SLC4A7: variants seen among roughly 807,000 people sequenced by gnomAD.
SLC4A7 encodes the protein sodium bicarbonate cotransporter 3.
SLC4A7 carries 51 observed loss-of-function variants against 137.6 expected under a neutral mutation model. The observed-to-expected ratio is 0.37, with a 90% CI of 0.30 to 0.47. The LOEUF (loss-of-function observed/expected upper bound fraction) is 0.47, where lower values mean the gene tolerates loss of function less well. Ranked by LOEUF, SLC4A7 falls within the 20% of genes least tolerant of loss-of-function variation. The probability of loss-of-function intolerance (pLI) is 1.00; values close to 1 mark genes in which losing one functional copy is unlikely to be tolerated. For missense variants in SLC4A7, 1,247 were observed against 1,525.4 expected, an observed-to-expected ratio of 0.82 and a Z score of 3.04; for synonymous variants, 542 against 518.6, an observed-to-expected ratio of 1.05 and a Z score of -0.61.
At chr3:27,382,326 G>T (rs1200956235) in intron 24 of SLC4A7, among the ~76,000 whole-genome samples, 1 of 151,978 alleles carries the variant, frequency 6.6e-6, no homozygotes, top group African/African-American at 2.4e-5. Flanking sequence ...TGTTGGCCAG[G>T]CTGGTCGTGA....
At chr3:27,436,638 GAA>G (rs71087606) in intron 4 of SLC4A7, 90 bp from the exon 5 acceptor site, 559 of 588,300 alleles carry the variant, frequency 9.5e-4, no homozygotes, top group South Asian at 2.2e-3. Context: ...GTTCTTTAAA[GAA>G]AAAAAAAAAA....
At chr3:27,392,548 A>T (rs559235156) in intron 20 of SLC4A7, among the ~76,000 whole-genome samples, 3 of 152,310 alleles carry the variant, frequency 2.0e-5, no homozygotes, top group East Asian at 3.9e-4. Flanking sequence ...GACGTATTTT[A>T]AAAAATCTAA....
intron 15 of SLC4A7, 32 bp from the exon 16 acceptor site, chr3:27,400,901 G>C: frequency 8.4e-7 from 1 of 1,190,556 alleles, no homozygotes; most frequent in Non-Finnish European, 1.2e-6. Context: ...CATTTTTAAG[G>C]ATCCTGAATT....
chr3:27,424,059 T>C lies in SLC4A7; in HGVS notation c.1244A>G (p.Asn415Ser). 6.3e-7 allele frequency: 1 copy of C among 1,598,566 alleles called. No homozygotes were observed. Among genetic ancestry groups the C allele is most frequent in the Non-Finnish European group, 8.6e-7 (1 of 1,166,464 alleles). The change falls in exon 8 of 26, where the codon AAT (asparagine) becomes AGT (serine). Residue 415 changes from asparagine to serine, a missense_variant. Around this residue, in one of 6 missense-constraint regions of SLC4A7, gnomAD observed 499 missense variants for 664.2 expected, o/e 0.75. Coordinates refer to ENST00000454389, the MANE Select transcript of SLC4A7 (RefSeq NM_001321103.2). ...TACCTTGCTGAAGTCAACAGTACTA[T>C]TTTCTCTGCTTCCACCACTTCCATT... ...KGNGSGGSRE[N>S]STVDFSKVDM...
intron 1 of SLC4A7, among the ~76,000 whole-genome samples, chr3:27,475,698 T>C (rs1291830305): frequency 6.6e-6 from 1 of 152,146 alleles, no homozygotes. Context: ...CAAAATCTTA[T>C]CCCGAGGATA....
At chr3:27,419,634 C>A (rs2054749415) in intron 10 of SLC4A7, among the ~76,000 whole-genome samples, 1 of 150,700 alleles carries the variant, frequency 6.6e-6, no homozygotes, top group Non-Finnish European at 1.5e-5. Flanking sequence ...CTGCGCCCGG[C>A]CAAAAGTTTA....
At chr3:27,436,240 C>T in intron 5 of SLC4A7, 148 bp downstream of exon 5, 1 of 518,116 alleles carries the variant, frequency 1.9e-6, no homozygotes. Context: ...TTAATTTAAT[C>T]TCATCTGCAA....
chr3:27,404,973 G>GA lies in SLC4A7; in HGVS notation c.1942-11dup. On this transcript the variant is annotated splice_polypyrimidine_tract_variant and intron_variant, in intron 13 of 25. Transcript: ENST00000454389. Reference sequence around the variant, plus strand: ...GAGACTCTATTGCACTCTGTTTAAGGAAAAAAGAAATGAATAAAAGCAATA... The same window carrying GA: ...GAGACTCTATTGCACTCTGTTTAAGGAAAAAAAGAAATGAATAAAAGCAATA... The GA allele has an allele frequency of 6.5e-7, 1 of 1,549,766 alleles. No homozygotes were observed. The highest frequency in any genetic ancestry group is 8.7e-7 in the Non-Finnish European group (1 of 1,155,378).
intron 6 of SLC4A7, 53 bp downstream of exon 6, chr3:27,433,863 A>C: frequency 6.9e-7 from 1 of 1,445,826 alleles, no homozygotes; most frequent in Non-Finnish European, 9.7e-7. Context: ...ACATACTGGA[A>C]AGCTGTTACA....
intron 18 of SLC4A7, 149 bp downstream of exon 18, chr3:27,397,535 A>T: frequency 3.4e-6 from 2 of 588,336 alleles, no homozygotes; most frequent in Non-Finnish European, 5.9e-6. Flanking sequence ...ATACATATGA[A>T]AAACACATAT....
In SLC4A7 at chr3:27,403,291, G is replaced by T. The variant is rs1297117044; in HGVS notation, c.2169C>A (p.Ser723Arg). 1 of 1,613,954 alleles carries T rather than the reference G, an allele frequency of 6.2e-7. No homozygotes were observed. Among genetic ancestry groups the T allele is most frequent in the South Asian group, 1.1e-5 (1 of 91,078 alleles). The change falls in exon 15 of 26, where the codon AGC becomes AGA. Residue 723 changes from serine to arginine, a missense_variant. Physicochemically the swap from Ser to Arg is moderately radical, Grantham distance 110. Around this residue, in one of 6 missense-constraint regions of SLC4A7, gnomAD observed 499 missense variants for 664.2 expected, o/e 0.75. Coordinates refer to ENST00000454389, the MANE Select transcript of SLC4A7 (RefSeq NM_001321103.2). ...CIVLVATDAS[S>R]LVCYITRFTE... The stretch of plus-strand genomic sequence containing the variant: ...TAAATCGAGTAATATAACACACAAG[G>T]CTGCTTGCATCTGTTGCAACCAAAA...
chr3:27,412,004 T>C (rs2053946573), intron 11 of SLC4A7, among the ~76,000 whole-genome samples: 1 of 152,148 alleles, frequency 6.6e-6, no homozygotes, highest in Non-Finnish European at 1.5e-5. Flanking sequence ...CAATATACTA[T>C]AAAATATATT....
chr3:27,477,545 A>G (rs977513837), intron 1 of SLC4A7, among the ~76,000 whole-genome samples: 1 of 152,102 alleles, frequency 6.6e-6, no homozygotes, highest in Non-Finnish European at 1.5e-5. Flanking sequence ...TGGCAATACC[A>G]CGTAATATTA....
chr3:27,448,212 A>AT (rs1320194355), intron 3 of SLC4A7, among the ~76,000 whole-genome samples: 1 of 111,836 alleles, frequency 8.9e-6, no homozygotes, highest in Non-Finnish European at 1.9e-5. Context: ...GTAAGACTCC[A>AT]TCTCAAAAAA....
rs755392122 is a variant in SLC4A7 at position 27,403,264 on chromosome 3, T to C, written c.2196A>G (p.Thr732=). The change falls in exon 15 of 26, where the codon ACA becomes ACG. Residue 732 remains threonine, a synonymous_variant. Coordinates refer to ENST00000454389, the MANE Select transcript of SLC4A7 (RefSeq NM_001321103.2). ...AAATAAGGGCTGCAAAAGCCTCTTC[T>C]GTAAATCGAGTAATATAACACACAA... ...SSLVCYITRF[T]EEAFAALICI... The C allele has an allele frequency of 6.2e-7, 1 of 1,613,926 alleles. No homozygotes were observed. Among genetic ancestry groups the C allele is most frequent in the African/African-American group, 1.3e-5 (1 of 74,914 alleles).
At chr3:27,402,848 CA>C (rs1185929391) in intron 15 of SLC4A7, among the ~76,000 whole-genome samples, 5 of 145,630 alleles carry the variant, frequency 3.4e-5, no homozygotes, top group Admixed American at 2.8e-4. Context: ...TATAGTGGAT[CA>C]GTTGCCAATC....
At chr3:27,379,173 G>A in intron 25 of SLC4A7, 76 bp downstream of exon 25, 1 of 732,702 alleles carries the variant, frequency 1.4e-6, no homozygotes, top group Non-Finnish European at 2.4e-6. Flanking sequence ...ATGGATGAAA[G>A]AAAGAAAGGA....
At chr3:27,473,774 T>C (rs376530637) in intron 1 of SLC4A7, among the ~76,000 whole-genome samples, 18 of 150,884 alleles carry the variant, frequency 1.2e-4, no homozygotes, top group East Asian at 5.8e-4. Flanking sequence ...GCTACATAGT[T>C]ATTCTCGAAA....
In SLC4A7 at chr3:27,419,852, T is replaced by C. The variant is rs542723880; in HGVS notation, c.1512+848A>G. Among the ~76,000 whole-genome samples the C allele has an allele frequency of 2.4e-4, 37 of 151,918 alleles. No homozygotes were observed. In the East Asian group the frequency reaches 4.9e-3, roughly 20 times the overall value. On this transcript the variant is annotated intron_variant, in intron 10 of 25. Transcript: ENST00000454389. Reference sequence around the variant, plus strand: ...TATGACAGATTAAATGCAAAACACATTGAAGAGGTAAAAAGAATCTGGTGA... The same window carrying C: ...TATGACAGATTAAATGCAAAACACACTGAAGAGGTAAAAAGAATCTGGTGA...
Sources: gnomAD v4.1 joint callset for allele counts (sites outside exome capture counted in the v4.1 genomes callset) on GRCh38, gnomAD v4.1.1 for gene constraint, gnomAD v4.1.1 regional missense constraint, MANE v1.5 for transcripts, NCBI Gene and HGNC (gene_info 2026-07-23, HGNC 2026-07-21) for gene names.